CNST: variants seen among roughly 807,000 people sequenced by gnomAD.
CNST encodes consortin, connexin sorting protein.
Under a neutral mutation model 72.4 loss-of-function variants are expected in CNST, and 39 were observed. The observed-to-expected ratio is 0.54, with a 90% CI of 0.42 to 0.70. CNST has a LOEUF of 0.70. Among genes scored for constraint, CNST ranks in the 30% least tolerant of loss-of-function variants. The pLI is 0.00. For missense variants in CNST, 871 were observed against 868.5 expected (o/e 1.00, Z -0.04); for synonymous variants, 332 against 320.1 (o/e 1.04, Z -0.40).
Position 246,667,501 on chromosome 1 carries a change from C to T in CNST, c.*1596C>T, listed in dbSNP as rs1392434489. 1 of 151,968 alleles carries T rather than the reference C, an allele frequency of 6.6e-6. No individual in the cohort carries two copies. Among genetic ancestry groups the T allele is most frequent in the Non-Finnish European group, 1.5e-5 (1 of 68,006 alleles). The allele number at this position is 151,968 out of a possible 1,614,324, so 9.4% of individuals were successfully genotyped here. On this transcript the variant is annotated 3_prime_UTR_variant, in exon 11 of 11. Transcript: ENST00000366513. ...TGTTTGACTTGTCTCTATCATGTCA[C>T]CATAAACTGTAATATTTTCAAGGGT... is the stretch of plus-strand genomic sequence containing the variant.
chr1:246,647,430 A>T lies in CNST; in HGVS notation c.1229A>T (p.Asp410Val). 6.2e-7 allele frequency: 1 copy of T among 1,614,116 alleles called. No homozygotes were observed. The highest frequency in any genetic ancestry group is 8.5e-7 in the Non-Finnish European group (1 of 1,180,032). ...CTGGCTCAAACAGAGGCCTGCCAGG[A>T]TGTGGCCAGAATAGAGGGCATTGCT... is the stretch of plus-strand genomic sequence containing the variant. ...LQLAQTEACQ[D>V]VARIEGIAED... The change falls in exon 9 of 11, where the codon GAT becomes GTT. Residue 410 changes from aspartate to valine, a missense_variant. Asp to Val is a radical substitution (Grantham distance 152). Coordinates refer to ENST00000366513, the MANE Select transcript of CNST (RefSeq NM_152609.3).
chr1:246,653,919 A>G (rs577637094), intron 9 of CNST, among the ~76,000 whole-genome samples: 1 of 152,308 alleles, frequency 6.6e-6, no homozygotes, highest in Non-Finnish European at 1.5e-5. Context: ...GAAATGAGTT[A>G]GGTGTAGAGT....
rs1328922749 is a variant in CNST at position 246,586,107 on chromosome 1, A to ATGTGTGTGTG, written c.-51-5404_-51-5403insGTGTGTGTGT. 7.9e-3 allele frequency among the ~76,000 whole-genome samples: 332 copies of ATGTGTGTGTG among 42,214 alleles called. 1 individual carries two copies. Among genetic ancestry groups the ATGTGTGTGTG allele is most frequent in the South Asian group, 0.018 (15 of 828 alleles). 27.7% of individuals were successfully genotyped at this position (42,214 alleles called of 152,430 possible). ...GGGAGAGGGGGAGATATATATATATATATATGTGTGTGTGTGTGTGTGTGT... is the reference window on the plus strand; with the variant it reads ...GGGAGAGGGGGAGATATATATATATATGTGTGTGTGTATATGTGTGTGTGTGTGTGTGTGT... On this transcript the variant is annotated intron_variant, in intron 1 of 10. Coordinates refer to ENST00000366513, the MANE Select transcript of CNST (RefSeq NM_152609.3).
chr1:246,652,874 G>A (rs562137953), intron 9 of CNST, among the ~76,000 whole-genome samples: 1 of 150,832 alleles, frequency 6.6e-6, no homozygotes, highest in Admixed American at 6.6e-5. Flanking sequence ...CGTGGTGGCG[G>A]GCGCCTGTAG....
chr1:246,609,405 G>A (rs1219766783), intron 2 of CNST, among the ~76,000 whole-genome samples: 2 of 152,112 alleles, frequency 1.3e-5, no homozygotes, highest in Non-Finnish European at 2.9e-5. Flanking sequence ...GCAAAACCCC[G>A]TCTCTACTAA....
chr1:246,664,374 C>T (rs1487947139), intron 10 of CNST, among the ~76,000 whole-genome samples: 2 of 151,986 alleles, frequency 1.3e-5, no homozygotes, highest in South Asian at 2.1e-4. Context: ...GGCCTGAGGC[C>T]GTCCTGGTTT....
intron 2 of CNST, among the ~76,000 whole-genome samples, chr1:246,619,653 C>CA (rs1663925478): frequency 6.6e-6 from 1 of 152,190 alleles, no homozygotes; most frequent in Non-Finnish European, 1.5e-5. Context: ...CATAAATAGG[C>CA]TTAAACAGGA....
At chr1:246,617,200 G>A (rs549871667) in intron 2 of CNST, among the ~76,000 whole-genome samples, 42 of 152,212 alleles carry the variant, frequency 2.8e-4, no homozygotes, top group African/African-American at 9.1e-4. Flanking sequence ...AGTGAAAGAA[G>A]GCAATCTGAA....
At chr1:246,652,401 G>C (rs924085426) in intron 9 of CNST, among the ~76,000 whole-genome samples, 2 of 152,188 alleles carry the variant, frequency 1.3e-5, no homozygotes, top group African/African-American at 4.8e-5. Context: ...TTCTGAACAA[G>C]TGAGGTTGAA....
intron 6 of CNST, among the ~76,000 whole-genome samples, chr1:246,639,130 A>G (rs906246412): frequency 2.5e-4 from 38 of 152,016 alleles, no homozygotes; most frequent in African/African-American, 9.2e-4. Flanking sequence ...GTAGGCAACA[A>G]TCTGGAGGGC....
chr1:246,629,010 G>GT (rs971376141), intron 3 of CNST, among the ~76,000 whole-genome samples: 9 of 151,990 alleles, frequency 5.9e-5, no homozygotes, highest in Admixed American at 3.3e-4. Flanking sequence ...TAGTCTCTCT[G>GT]TTTTTTTTAT....
intron 3 of CNST, among the ~76,000 whole-genome samples, chr1:246,629,673 T>C (rs1664652127): frequency 6.6e-6 from 1 of 152,230 alleles, no homozygotes; most frequent in Non-Finnish European, 1.5e-5. Context: ...ATACCATATA[T>C]AGAAAGGAAA....
intron 1 of CNST, among the ~76,000 whole-genome samples, chr1:246,576,465 A>G (rs1660441867): frequency 5.4e-5 from 8 of 148,950 alleles, no homozygotes; most frequent in Admixed American, 5.3e-4. Flanking sequence ...ATTGTGTTAG[A>G]GTTAGAAGCA....
chr1:246,578,248 CAATA>C (rs1483258389), intron 1 of CNST, among the ~76,000 whole-genome samples: 2 of 151,994 alleles, frequency 1.3e-5, no homozygotes, highest in Non-Finnish European at 2.9e-5. Flanking sequence ...AATTCTAAAA[CAATA>C]AATAAGCAAA....
chr1:246,642,130 C>G (rs1190999067), intron 8 of CNST, 93 bp downstream of exon 8: 5 of 214,450 alleles, frequency 2.3e-5, no homozygotes, highest in African/African-American at 8.1e-5. Flanking sequence ...TGCAAAGGAT[C>G]TGGTTTTTTT....
intron 2 of CNST, chr1:246,605,959 C>T (rs1257409638): frequency 9.2e-5 from 14 of 151,888 alleles, no homozygotes; most frequent in Non-Finnish European, 1.5e-4. Flanking sequence ...AGTTATTCAT[C>T]CCCCCAAGCT....
chr1:246,637,233 A>C (rs1190093797), intron 6 of CNST, among the ~76,000 whole-genome samples: 2 of 151,862 alleles, frequency 1.3e-5, no homozygotes, highest in Admixed American at 6.6e-5. Context: ...GAGTCCTTGG[A>C]CTCTCATGCT....
At chr1:246,575,766 G>T (rs1260570750) in intron 1 of CNST, among the ~76,000 whole-genome samples, 1 of 151,890 alleles carries the variant, frequency 6.6e-6, no homozygotes, top group Non-Finnish European at 1.5e-5. Flanking sequence ...AACTCAACTA[G>T]AAAAAATACA....
intron 7 of CNST, 29 bp from the exon 8 acceptor site, chr1:246,641,912 G>A: frequency 6.5e-7 from 1 of 1,548,724 alleles, no homozygotes; most frequent in South Asian, 1.2e-5. Flanking sequence ...TTCCCCAAAA[G>A]TTGGGTTTTC....
Sources: allele counts gnomAD v4.1 joint callset (sites outside exome capture counted in the v4.1 genomes callset), GRCh38; gene constraint gnomAD v4.1.1; transcripts MANE v1.5; gene names NCBI Gene and HGNC (gene_info 2026-07-23, HGNC 2026-07-21).